Variants in TNKS observed in about 807,000 individuals in gnomAD.
TNKS encodes tankyrase, also known as poly [ADP-ribose] polymerase tankyrase-1.
Under a neutral mutation model 135.8 loss-of-function variants are expected in TNKS, and 72 were observed. The ratio of observed to expected loss-of-function variants is 0.53; its 90% CI spans 0.44 to 0.64. The LOEUF is 0.64. TNKS is among the 30% of genes least tolerant of loss of function. TNKS has a pLI of 0.00. For missense variants in TNKS, 1,769 were observed against 1,674.0 expected, an observed-to-expected ratio of 1.06 and a Z score of -0.99; for synonymous variants, 849 against 649.3, an observed-to-expected ratio of 1.31 and a Z score of -4.68.
chr8:9,683,290 C>G (rs964200409), intron 5 of TNKS, among the ~76,000 whole-genome samples: 2 of 151,886 alleles, frequency 1.3e-5, no homozygotes. Flanking sequence ...AATCTAGCTG[C>G]TAAAATTACA....
chr8:9,607,255 T>C (rs1212516946), intron 2 of TNKS, among the ~76,000 whole-genome samples: 1 of 152,252 alleles, frequency 6.6e-6, no homozygotes, highest in African/African-American at 2.4e-5. Flanking sequence ...TTTACATTTA[T>C]GCAAATGTTA....
At position 9,720,338 on chromosome 8, in the gene TNKS, T is replaced by A. The variant is rs1172618276; in HGVS notation, c.1750-36T>A. On this transcript the variant is annotated intron_variant, in intron 11 of 26. Coordinates refer to ENST00000310430, the MANE Select transcript of TNKS (RefSeq NM_003747.3). ...AGGTATAAAAGGAAACTAAACAAGA[T>A]GCTCAATTCCATGTGCCCACGCAAT... The A allele has an allele frequency of 2.6e-6, 4 of 1,514,138 alleles. No individual in the cohort carries two copies. The South Asian group carries it at 5.2e-5, about 20-fold the overall frequency. 93.8% of individuals were successfully genotyped at this position (1,514,138 alleles called of 1,614,324 possible).
At chr8:9,728,308 T>C (rs557475831) in intron 13 of TNKS, among the ~76,000 whole-genome samples, 1 of 152,348 alleles carries the variant, frequency 6.6e-6, no homozygotes, top group South Asian at 2.1e-4. Flanking sequence ...AAGAAAAGGC[T>C]GCCTGCTGAA....
intron 11 of TNKS, chr8:9,710,488 C>T (rs1473752541): frequency 1.8e-6 from 1 of 569,434 alleles, no homozygotes. Flanking sequence ...TTCATCTTTA[C>T]ATTACTTTCA....
chr8:9,594,321 G>T lies in TNKS; in HGVS notation c.898+13938G>T, dbSNP rs181559651. Among the ~76,000 whole-genome samples the T allele has an allele frequency of 8.1e-3, 1,238 of 152,260 alleles. 9 individuals are homozygous for T. The highest frequency in any genetic ancestry group is 0.012 in the Non-Finnish European group (845 of 67,988). ...ATACTGATGATAACTCTCACACCTT[G>T]TTTTTTGTCTATTTAGACTTGCATG... On this transcript the variant is annotated intron_variant, in intron 2 of 26. Coordinates refer to ENST00000310430, the MANE Select transcript of TNKS (RefSeq NM_003747.3).
intron 3 of TNKS, among the ~76,000 whole-genome samples, chr8:9,662,685 T>C (rs1020680967): frequency 3.3e-5 from 5 of 152,240 alleles, no homozygotes; most frequent in Non-Finnish European, 5.9e-5. Flanking sequence ...ACATGGCATA[T>C]GTATACATAT....
At chr8:9,748,572 T>G (rs1254823297) in intron 18 of TNKS, among the ~76,000 whole-genome samples, 1 of 152,224 alleles carries the variant, frequency 6.6e-6, no homozygotes, top group Non-Finnish European at 1.5e-5. Context: ...TACCTAAGTC[T>G]GTGAGATAGT....
At chr8:9,765,906 T>G (rs905097436) in intron 24 of TNKS, 109 bp downstream of exon 24, 1 of 867,438 alleles carries the variant, frequency 1.2e-6, no homozygotes, top group African/African-American at 1.7e-5. Flanking sequence ...TAAAAACGGC[T>G]TGTTTTGATT....
chr8:9,686,868 T>TA (rs5889297), intron 5 of TNKS, among the ~76,000 whole-genome samples: 3 of 151,816 alleles, frequency 2.0e-5, no homozygotes, highest in African/African-American at 7.3e-5. Context: ...TTTTTTAGCC[T>TA]AAAAAAAATG....
At position 9,767,019 on chromosome 8, in the gene TNKS, G is replaced by A. The variant is rs189255215; in HGVS notation, c.3740+594G>A. 1.1e-4 allele frequency among the ~76,000 whole-genome samples: 17 copies of A among 152,282 alleles called. No individual in the cohort carries two copies. The East Asian group carries it at 2.7e-3, about 24-fold the overall frequency. Reference sequence around the variant, plus strand: ...CCCTGGGCTTCACTTTTCTTCCTCTGTAATCAGAATATGGCAAGGCTAAGG... The same window carrying A: ...CCCTGGGCTTCACTTTTCTTCCTCTATAATCAGAATATGGCAAGGCTAAGG... On this transcript the variant is annotated intron_variant, in intron 25 of 26. Transcript: ENST00000310430.
intron 9 of TNKS, among the ~76,000 whole-genome samples, chr8:9,709,455 A>C (rs1256836404): frequency 2.3e-4 from 35 of 152,206 alleles, no homozygotes; most frequent in Admixed American, 2.3e-3. Flanking sequence ...ATTATGTTAA[A>C]ACCTAAAATT....
intron 1 of TNKS, among the ~76,000 whole-genome samples, chr8:9,562,878 T>C (rs1222429181): frequency 6.6e-6 from 1 of 152,068 alleles, no homozygotes; most frequent in Admixed American, 6.6e-5. Context: ...AGACCAGATA[T>C]TCTATTACAG....
intron 3 of TNKS, among the ~76,000 whole-genome samples, chr8:9,678,779 T>A (rs184695977): frequency 3.3e-5 from 5 of 152,356 alleles, no homozygotes; most frequent in Non-Finnish European, 5.9e-5. Flanking sequence ...TAAGATTTTT[T>A]AAAAGTTACT....
At chr8:9,627,453 C>A (rs1297990872) in intron 3 of TNKS, among the ~76,000 whole-genome samples, 1 of 152,130 alleles carries the variant, frequency 6.6e-6, no homozygotes, top group African/African-American at 2.4e-5. Context: ...CTTTGTGGGA[C>A]TGAGCCCTCA....
At chr8:9,742,660 C>G (rs1486277198) in intron 17 of TNKS, among the ~76,000 whole-genome samples, 1 of 150,266 alleles carries the variant, frequency 6.7e-6, no homozygotes, top group African/African-American at 2.4e-5. Context: ...GAGTTTGAGA[C>G]CAGCCTGGGC....
chr8:9,682,263 T>C (rs553808504), intron 5 of TNKS, among the ~76,000 whole-genome samples: 2 of 152,140 alleles, frequency 1.3e-5, no homozygotes, highest in Non-Finnish European at 2.9e-5. Flanking sequence ...TATAACTGTT[T>C]TAATACTACA....
At chr8:9,649,460 A>C (rs1177191640) in intron 3 of TNKS, among the ~76,000 whole-genome samples, 1 of 152,176 alleles carries the variant, frequency 6.6e-6, no homozygotes, top group African/African-American at 2.4e-5. Flanking sequence ...AATAATAACT[A>C]ATGGTCTTTA....
chr8:9,705,114 A>T (rs1585351671), intron 6 of TNKS, among the ~76,000 whole-genome samples: 2 of 152,320 alleles, frequency 1.3e-5, no homozygotes, highest in African/African-American at 4.8e-5. Context: ...ATAGTAAAGG[A>T]TCATCCTTTA....
chr8:9,749,792 C>G (rs983376711), intron 18 of TNKS, among the ~76,000 whole-genome samples: 5 of 152,136 alleles, frequency 3.3e-5, no homozygotes, highest in African/African-American at 1.2e-4. Context: ...CTCTGTAGCT[C>G]TTGGCCATGC....
Sources: gnomAD v4.1 joint callset for allele counts (sites outside exome capture counted in the v4.1 genomes callset) on GRCh38, gnomAD v4.1.1 for gene constraint, MANE v1.5 for transcripts, NCBI Gene and HGNC (gene_info 2026-07-23, HGNC 2026-07-21) for gene names.